The following THSD4 variants were observed in gnomAD, a reference collection of about 807,000 sequenced individuals.
THSD4 encodes thrombospondin type 1 domain containing 4, also known as thrombospondin type-1 domain-containing protein 4.
Under a neutral mutation model 119.0 loss-of-function variants are expected in THSD4, and 69 were observed. The observed-to-expected ratio is 0.58, with a 90% CI of 0.48 to 0.71. The LOEUF (loss-of-function observed/expected upper bound fraction) is 0.71. Ranked by LOEUF, THSD4 falls within the 30% of genes least tolerant of loss-of-function variation. The probability of loss-of-function intolerance (pLI) is 0.00; values close to 1 mark genes in which losing one functional copy is unlikely to be tolerated. For synonymous variants in THSD4, 524 were observed against 540.4 expected (o/e 0.97, Z 0.42); for missense variants, 1,393 against 1,391.1 (o/e 1.00, Z -0.02).
chr15:71,324,616 A>G (rs1343991982), intron 6 of THSD4, among the ~76,000 whole-genome samples: 1 of 152,186 alleles, frequency 6.6e-6, no homozygotes, highest in Non-Finnish European at 1.5e-5. Context: ...AGCTCCATCC[A>G]AGTTGCTGCA....
intron 7 of THSD4, among the ~76,000 whole-genome samples, chr15:71,533,367 G>A (rs1029694918): frequency 3.3e-5 from 5 of 152,186 alleles, no homozygotes; most frequent in African/African-American, 1.2e-4. Flanking sequence ...TTTCATCCTC[G>A]AAATCCCCTT....
intron 7 of THSD4, among the ~76,000 whole-genome samples, chr15:71,571,368 A>G (rs184236969): frequency 9.2e-4 from 140 of 152,216 alleles, no homozygotes; most frequent in African/African-American, 3.3e-3. Context: ...ACCCTGGCCC[A>G]GGCTTTAGGC....
At chr15:71,166,687 C>A (rs1425662189) in intron 3 of THSD4, among the ~76,000 whole-genome samples, 1 of 152,062 alleles carries the variant, frequency 6.6e-6, no homozygotes, top group Non-Finnish European at 1.5e-5. Context: ...TTTTGTTGCT[C>A]CCCCGGTGCT....
chr15:71,620,242 G>A (rs2050396540), intron 7 of THSD4, among the ~76,000 whole-genome samples: 1 of 152,116 alleles, frequency 6.6e-6, no homozygotes. Flanking sequence ...AGAATGAAGT[G>A]AGCTAACTAA....
chr15:71,558,838 A>G (rs2049066559), intron 7 of THSD4, among the ~76,000 whole-genome samples: 1 of 152,062 alleles, frequency 6.6e-6, no homozygotes, highest in African/African-American at 2.4e-5. Flanking sequence ...ATTTAATTAT[A>G]TTTTTAAGTA....
At chr15:71,526,360 C>T (rs1309352908) in intron 7 of THSD4, among the ~76,000 whole-genome samples, 1 of 152,172 alleles carries the variant, frequency 6.6e-6, no homozygotes, top group Non-Finnish European at 1.5e-5. Flanking sequence ...ACATCACTGG[C>T]ACAGGCAGAA....
chr15:71,160,721 A>C (rs986631883), intron 3 of THSD4, among the ~76,000 whole-genome samples: 1 of 150,346 alleles, frequency 6.7e-6, no homozygotes, highest in South Asian at 2.1e-4. Context: ...AAGGTTTGTC[A>C]ATTTTGTTCA....
At chr15:71,378,816 C>T (rs1334404939) in intron 6 of THSD4, among the ~76,000 whole-genome samples, 1 of 152,184 alleles carries the variant, frequency 6.6e-6, no homozygotes, top group Non-Finnish European at 1.5e-5. Flanking sequence ...CAGGGTCTCA[C>T]TCTGTTGCCC....
chr15:71,168,503 C>T (rs540671458), intron 3 of THSD4, among the ~76,000 whole-genome samples: 1 of 152,210 alleles, frequency 6.6e-6, no homozygotes, highest in African/African-American at 2.4e-5. Flanking sequence ...ATGAAAGCTA[C>T]AGGAACTAAA....
At position 71,124,904 on chromosome 15, in the gene THSD4, ATGGTGGTGTGCACCTGTGGTCCCAGC is replaced by A. The variant is rs374034493; in HGVS notation, c.-80+9234_-80+9259del. Reference sequence around the variant, plus strand: ...CAAAACATCAAACTATTAGCCAGGCATGGTGGTGTGCACCTGTGGTCCCAGCTGGTGGTGTGCACCTGTGGTCCCAG... The same window carrying A: ...CAAAACATCAAACTATTAGCCAGGCATGGTGGTGTGCACCTGTGGTCCCAG... On this transcript the variant is annotated intron_variant, in intron 1 of 17. Coordinates refer to ENST00000261862, the MANE Select transcript of THSD4 (RefSeq NM_024817.3). Among the ~76,000 whole-genome samples the A allele has an allele frequency of 1.4e-4, 22 of 152,074 alleles. 1 individual carries two copies. Among genetic ancestry groups the A allele is most frequent in the South Asian group, 4.2e-4 (2 of 4,814 alleles).
chr15:71,483,340 T>C (rs142964111), intron 7 of THSD4, among the ~76,000 whole-genome samples: 156 of 152,308 alleles, frequency 1.0e-3, no homozygotes, highest in Admixed American at 1.4e-3. Flanking sequence ...TTGCATCTTA[T>C]TTGAATTTTA....
At chr15:71,527,475 G>A (rs1056863684) in intron 7 of THSD4, among the ~76,000 whole-genome samples, 5 of 152,038 alleles carry the variant, frequency 3.3e-5, no homozygotes, top group African/African-American at 1.2e-4. Flanking sequence ...TTTTCATAAT[G>A]TATTCCCCAT....
At chr15:71,321,122 T>G (rs2045261955) in intron 6 of THSD4, among the ~76,000 whole-genome samples, 1 of 152,254 alleles carries the variant, frequency 6.6e-6, no homozygotes, top group African/African-American at 2.4e-5. Flanking sequence ...GTTTTATAGA[T>G]GTATCAGCTG....
At chr15:71,607,962 A>G (rs942283269) in intron 7 of THSD4, among the ~76,000 whole-genome samples, 2 of 152,024 alleles carry the variant, frequency 1.3e-5, no homozygotes, top group Non-Finnish European at 2.9e-5. Flanking sequence ...GGTGGCTTAC[A>G]CCTGTAATCC....
intron 7 of THSD4, among the ~76,000 whole-genome samples, chr15:71,517,539 T>G (rs1365403051): frequency 1.3e-5 from 2 of 152,212 alleles, no homozygotes; most frequent in East Asian, 1.9e-4. Flanking sequence ...TACAATAATT[T>G]CAGGCCAAAG....
At chr15:71,098,034 A>G (rs1006091874) in intron 1 of THSD4, among the ~76,000 whole-genome samples, 1 of 152,048 alleles carries the variant, frequency 6.6e-6, no homozygotes, top group Non-Finnish European at 1.5e-5. Flanking sequence ...CAGACCCACA[A>G]TAGGACACAT....
chr15:71,573,095 T>A, intron 7 of THSD4, among the ~76,000 whole-genome samples: 1 of 152,060 alleles, frequency 6.6e-6, no homozygotes, highest in Non-Finnish European at 1.5e-5. Context: ...CTTTGGGAAA[T>A]ACACTGTGGC....
intron 6 of THSD4, among the ~76,000 whole-genome samples, chr15:71,397,863 A>G (rs890696022): frequency 6.6e-6 from 1 of 152,230 alleles, no homozygotes. Flanking sequence ...ATACATATGC[A>G]GTGTCTCACA....
intron 6 of THSD4, among the ~76,000 whole-genome samples, chr15:71,276,458 C>A (rs1025204565): frequency 4.6e-5 from 7 of 152,162 alleles, no homozygotes; most frequent in Non-Finnish European, 5.9e-5. Flanking sequence ...GGTCTCCTCA[C>A]CTGTGTGAGC....
Sources: allele counts gnomAD v4.1 joint callset (sites outside exome capture counted in the v4.1 genomes callset), GRCh38; gene constraint gnomAD v4.1.1; transcripts MANE v1.5; gene names NCBI Gene and HGNC (gene_info 2026-07-23, HGNC 2026-07-21).